Variants in CLSTN2 observed in about 807,000 individuals in gnomAD.
The protein encoded by CLSTN2 is calsyntenin 2.
CLSTN2 carries 48 observed loss-of-function variants against 101.2 expected under a neutral mutation model. The observed-to-expected ratio is 0.47, with a 90% CI of 0.38 to 0.60. The LOEUF (loss-of-function observed/expected upper bound fraction) is 0.60. Ranked by LOEUF, CLSTN2 falls within the 20% of genes least tolerant of loss-of-function variation. CLSTN2 has a pLI of 0.00. For missense variants in CLSTN2, 1,160 were observed against 1,238.2 expected (o/e 0.94, Z 0.95); for synonymous variants, 481 against 463.6 (o/e 1.04, Z -0.48).
At chr3:140,071,837 A>AAATAAAT (rs2008402122) in intron 1 of CLSTN2, among the ~76,000 whole-genome samples, 1 of 88,440 alleles carries the variant, frequency 1.1e-5, no homozygotes, top group African/African-American at 3.6e-5. Flanking sequence ...TCTAAAAAAT[A>AAATAAAT]AATAAATAAA....
chr3:140,172,557 G>C (rs1169415690), intron 1 of CLSTN2, among the ~76,000 whole-genome samples: 2 of 152,120 alleles, frequency 1.3e-5, no homozygotes, highest in Non-Finnish European at 2.9e-5. Context: ...TGATTTGCTA[G>C]GGTTGCTGTA....
chr3:140,422,688 AAAG>A (rs147953023), intron 5 of CLSTN2, among the ~76,000 whole-genome samples: 1 of 152,172 alleles, frequency 6.6e-6, no homozygotes, highest in East Asian at 1.9e-4. Flanking sequence ...AGAGACATAG[AAAG>A]AAGGACAAGC....
intron 15 of CLSTN2, 42 bp downstream of exon 15, chr3:140,563,245 C>T: frequency 6.3e-7 from 1 of 1,594,960 alleles, no homozygotes; most frequent in South Asian, 1.1e-5. Context: ...CACAGGTCGT[C>T]ATTGTGACTC....
intron 8 of CLSTN2, among the ~76,000 whole-genome samples, chr3:140,503,529 A>G (rs1232190311): frequency 6.6e-6 from 1 of 152,162 alleles, no homozygotes; most frequent in Non-Finnish European, 1.5e-5. Context: ...ATGTTCGACA[A>G]TGAAGAAATA....
intron 1 of CLSTN2, among the ~76,000 whole-genome samples, chr3:140,071,837 AAAT>A (rs1367357272): frequency 1.1e-5 from 1 of 88,386 alleles, no homozygotes; most frequent in African/African-American, 3.6e-5. Context: ...TCTAAAAAAT[AAAT>A]AAATAAATAA....
intron 1 of CLSTN2, among the ~76,000 whole-genome samples, chr3:140,148,948 T>C (rs2009821385): frequency 6.6e-6 from 1 of 152,140 alleles, no homozygotes; most frequent in Non-Finnish European, 1.5e-5. Flanking sequence ...TGGTTTACTA[T>C]GGGGGAGAGG....
intron 1 of CLSTN2, among the ~76,000 whole-genome samples, chr3:140,116,990 C>T (rs934452223): frequency 3.3e-5 from 5 of 152,172 alleles, no homozygotes; most frequent in Admixed American, 1.3e-4. Context: ...TGAAATTGCT[C>T]CCATATTCTG....
At chr3:140,404,128 G>A (rs1483287172) in intron 3 of CLSTN2, among the ~76,000 whole-genome samples, 2 of 152,208 alleles carry the variant, frequency 1.3e-5, no homozygotes, top group Non-Finnish European at 2.9e-5. Context: ...ACCTGGTCAG[G>A]ACCTTTCCCT....
intron 2 of CLSTN2, among the ~76,000 whole-genome samples, chr3:140,242,150 A>G (rs1042320571): frequency 8.7e-4 from 132 of 152,128 alleles, no homozygotes; most frequent in African/African-American, 3.1e-3. Flanking sequence ...GACCTCAGGT[A>G]ATCTGCCCAC....
intron 1 of CLSTN2, among the ~76,000 whole-genome samples, chr3:140,127,225 G>T (rs1385487060): frequency 6.6e-6 from 1 of 152,000 alleles, no homozygotes; most frequent in Admixed American, 6.6e-5. Flanking sequence ...CAGATCCCAG[G>T]TCCACTATTT....
chr3:140,383,812 C>T (rs1335487742), intron 2 of CLSTN2, among the ~76,000 whole-genome samples: 3 of 152,188 alleles, frequency 2.0e-5, no homozygotes, highest in African/African-American at 4.8e-5. Flanking sequence ...GACCGTGTGG[C>T]TATAATTTAT....
At chr3:140,469,168 C>G (rs900106776) in intron 8 of CLSTN2, among the ~76,000 whole-genome samples, 46 of 152,296 alleles carry the variant, frequency 3.0e-4, no homozygotes, top group South Asian at 6.2e-4. Flanking sequence ...TACTCAAGGT[C>G]CTAGCTCCAA....
chr3:139,995,903 G>A (rs2006641527), intron 1 of CLSTN2, among the ~76,000 whole-genome samples: 1 of 152,068 alleles, frequency 6.6e-6, no homozygotes, highest in South Asian at 2.1e-4. Context: ...ATATTGAATT[G>A]GATTAATCAT....
At chr3:140,345,078 CT>C in intron 2 of CLSTN2, among the ~76,000 whole-genome samples, 1 of 151,980 alleles carries the variant, frequency 6.6e-6, no homozygotes, top group Non-Finnish European at 1.5e-5. Flanking sequence ...GACCATGTGG[CT>C]TATGTTCTGT....
At chr3:140,226,794 C>T (rs958399154) in intron 2 of CLSTN2, among the ~76,000 whole-genome samples, 11 of 152,022 alleles carry the variant, frequency 7.2e-5, no homozygotes, top group South Asian at 4.1e-4. Context: ...CAGAAGTCAA[C>T]GAGGAGCAAG....
intron 2 of CLSTN2, among the ~76,000 whole-genome samples, chr3:140,311,472 A>AT (rs1241981397): frequency 0.085 from 10,970 of 129,656 alleles, 1,184 homozygotes; most frequent in African/African-American, 0.26. Flanking sequence ...TGCCTGGCTA[A>AT]TTTTTTTTTT....
chr3:140,349,420 T>C (rs2087583391), intron 2 of CLSTN2, among the ~76,000 whole-genome samples: 1 of 152,238 alleles, frequency 6.6e-6, no homozygotes, highest in African/African-American at 2.4e-5. Flanking sequence ...GAAGTTAGTA[T>C]AGGAATAAAG....
chr3:140,267,650 C>T (rs1025437523), intron 2 of CLSTN2, among the ~76,000 whole-genome samples: 1 of 152,208 alleles, frequency 6.6e-6, no homozygotes, highest in African/African-American at 2.4e-5. Flanking sequence ...CTTTCAGACA[C>T]AAGCCCAGAA....
intron 1 of CLSTN2, among the ~76,000 whole-genome samples, chr3:140,040,391 T>C (rs1287322257): frequency 1.3e-5 from 2 of 152,158 alleles, no homozygotes; most frequent in Admixed American, 6.5e-5. Context: ...GGCCAGACAA[T>C]GCATTGCATA....
Sources: gnomAD v4.1 joint callset for allele counts (sites outside exome capture counted in the v4.1 genomes callset) on GRCh38, gnomAD v4.1.1 for gene constraint, MANE v1.5 for transcripts, NCBI Gene and HGNC (gene_info 2026-07-23, HGNC 2026-07-21) for gene names.